Variants in TOM1L1 observed in about 807,000 individuals in gnomAD.
TOM1L1 encodes the protein TOM1-like protein 1.
In TOM1L1, 64 loss-of-function variants were observed where a neutral mutation model predicts 63.4. The ratio of observed to expected loss-of-function variants is 1.01; its 90% CI spans 0.83 to 1.24. The LOEUF (loss-of-function observed/expected upper bound fraction) is 1.24. Ranked by LOEUF, TOM1L1 falls within the 50% of genes most tolerant of loss-of-function variation. The pLI is 0.00. For missense variants in TOM1L1, 536 were observed against 567.0 expected (o/e 0.95, Z 0.55); for synonymous variants, 166 against 194.4 (o/e 0.85, Z 1.22).
chr17:54,955,986 C>T (rs1026632545), intron 14 of TOM1L1, among the ~76,000 whole-genome samples: 3 of 152,126 alleles, frequency 2.0e-5, no homozygotes, highest in Non-Finnish European at 4.4e-5. Flanking sequence ...AGTTGGCCCA[C>T]GCATGCTTCC....
chr17:54,901,160 C>T lies in TOM1L1; in HGVS notation c.58+237C>T, dbSNP rs148658413. 715 of 602,666 alleles carry T rather than the reference C, an allele frequency of 1.2e-3. 7 individuals are homozygous for T. The African/African-American group carries it at 0.012, about 10-fold the overall frequency. 37.3% of individuals were successfully genotyped at this position (602,666 alleles called of 1,614,324 possible). A position where few individuals can be genotyped will look rare whatever the true frequency, so the allele number is the denominator to read the frequency against. The stretch of plus-strand genomic sequence containing the variant: ...AAAATGTACCTTCCTTTCGATGCCG[C>T]CTGGGGAGTGGAACCAAACAGGTGA... On this transcript the variant is annotated intron_variant, in intron 1 of 15. Coordinates refer to ENST00000575882, the MANE Select transcript of TOM1L1 (RefSeq NM_005486.3).
chr17:54,938,796 T>C (rs200830223), intron 10 of TOM1L1, 128 bp from the exon 11 acceptor site: 3 of 333,680 alleles, frequency 9.0e-6, no homozygotes, highest in Non-Finnish European at 1.7e-5. Context: ...ATTAATCTCT[T>C]TTATTTGGTG....
chr17:54,960,720 G>A (rs2077099472), intron 15 of TOM1L1, 93 bp downstream of exon 15: 18 of 966,724 alleles, frequency 1.9e-5, no homozygotes, highest in Non-Finnish European at 2.9e-5. Context: ...ATTTTCTAAG[G>A]GCCATCTGAG....
At position 54,915,770 on chromosome 17, in the gene TOM1L1, G is replaced by T; in HGVS notation, c.628G>T (p.Asp210Tyr). The change falls in exon 7 of 16, where the codon GAT (aspartate) becomes TAT (tyrosine). Residue 210 changes from aspartate to tyrosine, a missense_variant. Physicochemically the swap from Asp to Tyr is radical, Grantham distance 160. Coordinates refer to ENST00000575882, the MANE Select transcript of TOM1L1 (RefSeq NM_005486.3). Reference protein sequence around the residue: ...EQIGKLHSELDMVKMNVRVMS... With the variant: ...EQIGKLHSELYMVKMNVRVMS... ...GATTGGAAAACTGCACAGTGAATTG[G>T]ATATGGTGAAAATGAATGTGCGAGT... is the stretch of plus-strand genomic sequence containing the variant. 6.2e-7 allele frequency: 1 copy of T among 1,611,938 alleles called. No homozygotes were observed. Among genetic ancestry groups the T allele is most frequent in the Non-Finnish European group, 8.5e-7 (1 of 1,179,082 alleles).
intron 14 of TOM1L1, among the ~76,000 whole-genome samples, chr17:54,956,475 T>A (rs1380796608): frequency 6.6e-6 from 1 of 152,006 alleles, no homozygotes; most frequent in Non-Finnish European, 1.5e-5. Context: ...CTGGCTAATT[T>A]TTTTGTATAT....
chr17:54,904,221 T>C (rs1004325562), intron 2 of TOM1L1, among the ~76,000 whole-genome samples: 1 of 151,830 alleles, frequency 6.6e-6, no homozygotes. Flanking sequence ...ACAAAAAAAA[T>C]TAGCCAGGCA....
At position 54,901,053 on chromosome 17, in the gene TOM1L1, CT is replaced by C. The variant is rs899020734; in HGVS notation, c.58+133del. On this transcript the variant is annotated intron_variant, in intron 1 of 15. Coordinates refer to ENST00000575882, the MANE Select transcript of TOM1L1 (RefSeq NM_005486.3). Reference sequence around the variant, plus strand: ...AAAAATTATTCCCCTCCCCCCGCAACTTTCCCAAGGCACCCGCATTCCACCC... The same window carrying C: ...AAAAATTATTCCCCTCCCCCCGCAACTTCCCAAGGCACCCGCATTCCACCC... 5.5e-5 allele frequency: 72 copies of C among 1,299,754 alleles called. No homozygotes were observed. The African/African-American group carries it at 9.8e-4, about 18-fold the overall frequency. The allele number at this position is 1,299,754 out of a possible 1,614,324, so 80.5% of individuals were successfully genotyped here.
chr17:54,959,538 C>T (rs1253463389), intron 14 of TOM1L1: 1 of 150,928 alleles, frequency 6.6e-6, no homozygotes, highest in Non-Finnish European at 1.5e-5. Flanking sequence ...AAAAAAAGTA[C>T]AGAAATGACA....
intron 10 of TOM1L1, 30 bp from the exon 11 acceptor site, chr17:54,938,883 CAAAATGTTTTA>C: frequency 7.9e-7 from 1 of 1,261,784 alleles, no homozygotes; most frequent in Non-Finnish European, 1.1e-6. Flanking sequence ...AACTGACTGA[CAAAATGTTTTA>C]AAGCCAAACA....
intron 7 of TOM1L1, chr17:54,917,066 C>T (rs1360511546): frequency 4.6e-5 from 7 of 152,066 alleles, no homozygotes; most frequent in Non-Finnish European, 2.9e-5. Context: ...TATTTTTCTA[C>T]GTTAATATTT....
chr17:54,936,988 G>A, intron 9 of TOM1L1, 121 bp from the exon 10 acceptor site: 1 of 853,294 alleles, frequency 1.2e-6, no homozygotes, highest in Non-Finnish European at 1.9e-6. Flanking sequence ...TGCTCGTTGA[G>A]TGGAGAATTC....
chr17:54,911,880 A>G (rs2048502942), intron 3 of TOM1L1, among the ~76,000 whole-genome samples: 1 of 152,118 alleles, frequency 6.6e-6, no homozygotes, highest in South Asian at 2.1e-4. Context: ...GACCCTCCAT[A>G]ACTTCATAGT....
chr17:54,944,481 T>G (rs1229259590), intron 11 of TOM1L1, among the ~76,000 whole-genome samples: 1 of 150,964 alleles, frequency 6.6e-6, no homozygotes, highest in African/African-American at 2.4e-5. Flanking sequence ...AAGAGAAAAA[T>G]AGTCTATTAT....
chr17:54,951,649 A>G (rs2049242555), intron 14 of TOM1L1, among the ~76,000 whole-genome samples: 1 of 152,234 alleles, frequency 6.6e-6, no homozygotes. Context: ...AGTATGTATC[A>G]TAAGACCACA....
chr17:54,933,464 C>T (rs2048896925), intron 8 of TOM1L1, among the ~76,000 whole-genome samples: 1 of 152,234 alleles, frequency 6.6e-6, no homozygotes, highest in African/African-American at 2.4e-5. Flanking sequence ...GCACCTGTGG[C>T]ACAGCCACAG....
In TOM1L1 at chr17:54,925,774, C is replaced by T. The variant is rs955737689; in HGVS notation, c.721-4299C>T. 7.9e-5 allele frequency among the ~76,000 whole-genome samples: 12 copies of T among 152,022 alleles called. 1 individual carries two copies. Among genetic ancestry groups the T allele is most frequent in the South Asian group, 6.2e-4 (3 of 4,806 alleles). Reference sequence around the variant, plus strand: ...CAAATATCAGCTGGGCGTGGTGGCACGCTCCTATAGTCGCAGTCACTCAGG... The same window carrying T: ...CAAATATCAGCTGGGCGTGGTGGCATGCTCCTATAGTCGCAGTCACTCAGG... On this transcript the variant is annotated intron_variant, in intron 7 of 15. Coordinates refer to ENST00000575882, the MANE Select transcript of TOM1L1 (RefSeq NM_005486.3).
chr17:54,911,290 G>A (rs2048492892), intron 3 of TOM1L1, among the ~76,000 whole-genome samples: 1 of 152,018 alleles, frequency 6.6e-6, no homozygotes, highest in Non-Finnish European at 1.5e-5. Flanking sequence ...CTCTTTGATT[G>A]CCTTCCTTGG....
intron 14 of TOM1L1, chr17:54,953,204 C>A (rs1273389803): frequency 6.7e-6 from 1 of 149,900 alleles, no homozygotes; most frequent in African/African-American, 2.4e-5. Flanking sequence ...CATAACGAGA[C>A]CTTGTCTCCA....
At chr17:54,906,915 C>A in intron 3 of TOM1L1, 2 of 613,880 alleles carry the variant, frequency 3.3e-6, no homozygotes, top group Non-Finnish European at 4.1e-6. Context: ...TGTGCATGGT[C>A]ACGGCACTAA....
Sources: gnomAD v4.1 joint callset for allele counts (sites outside exome capture counted in the v4.1 genomes callset) on GRCh38, gnomAD v4.1.1 for gene constraint, MANE v1.5 for transcripts, NCBI Gene and HGNC (gene_info 2026-07-23, HGNC 2026-07-21) for gene names.